The following EPS8 variants were observed in gnomAD, a reference collection of about 807,000 sequenced individuals.
EPS8 encodes the protein EGFR pathway substrate 8, signaling adaptor.
In EPS8, 42 loss-of-function variants were observed where a neutral mutation model predicts 103.8. The ratio of observed to expected loss-of-function variants is 0.40; its 90% CI spans 0.32 to 0.52. The LOEUF is 0.52. Among genes scored for constraint, EPS8 ranks in the 20% least tolerant of loss-of-function variants. The pLI is 0.40. For synonymous variants in EPS8, 344 were observed against 344.6 expected, an observed-to-expected ratio of 1.00 and a Z score of 0.02; for missense variants, 969 against 1,005.1, an observed-to-expected ratio of 0.96 and a Z score of 0.49.
Position 15,787,888 on chromosome 12 carries a change from A to AT in EPS8, c.-22+1272_-22+1273insA, listed in dbSNP as rs1947326431. 1 of 152,202 alleles carries AT rather than the reference A, an allele frequency of 6.6e-6. No individual in the cohort carries two copies. The highest frequency in any genetic ancestry group is 2.4e-5 in the African/African-American group (1 of 41,444). 9.4% of individuals were successfully genotyped at this position (152,202 alleles called of 1,614,324 possible). On this transcript the variant is annotated intron_variant, in intron 1 of 20. Coordinates refer to ENST00000281172, the MANE Select transcript of EPS8 (RefSeq NM_004447.6). This position sits in a 1 kb window ranked among gnomAD's most constrained non-coding sequence, Gnocchi z 4.9. ...TTAAGAACTACAGCAATATGTTTAG[A>AT]AAACTGCGATCCCAAACAAAAAATC...
intron 13 of EPS8, among the ~76,000 whole-genome samples, chr12:15,652,168 A>T (rs984662619): frequency 1.5e-4 from 23 of 152,218 alleles, no homozygotes. Context: ...ATTTGCAGCA[A>T]CATGGATGGA....
rs1305985155 is a variant in EPS8 at position 15,728,836 on chromosome 12, G to A, written c.-21-45864C>T. 6.6e-6 allele frequency among the ~76,000 whole-genome samples: 1 copy of A among 152,136 alleles called. No homozygotes were observed. The highest frequency in any genetic ancestry group is 1.5e-5 in the Non-Finnish European group (1 of 68,022). ...AAAATATTCAAGCCAATAAAAATGG[G>A]CTAAAGGACACTGTTAAGAAAATGA... On this transcript the variant is annotated intron_variant, in intron 1 of 20. Coordinates refer to ENST00000281172, the MANE Select transcript of EPS8 (RefSeq NM_004447.6). The surrounding 1 kb of genome is among the most constrained non-coding windows in gnomAD (Gnocchi z 4.5).
chr12:15,751,784 C>A lies in EPS8; in HGVS notation c.-22+37377G>T, dbSNP rs1048634180. Among the ~76,000 whole-genome samples, 4 of 152,038 alleles carry A rather than the reference C, an allele frequency of 2.6e-5. No homozygotes were observed. The highest frequency in any genetic ancestry group is 9.7e-5 in the African/African-American group (4 of 41,364). ...TCCTTAGTATCCTTCTTACCATACT[C>A]TACTTACACCATAGCTCAGACAACA... On this transcript the variant is annotated intron_variant, in intron 1 of 20. Transcript: ENST00000281172. The surrounding 1 kb of genome is among the most constrained non-coding windows in gnomAD (Gnocchi z 4.3).
intron 14 of EPS8, among the ~76,000 whole-genome samples, chr12:15,648,154 A>T (rs1218543567): frequency 6.6e-6 from 1 of 152,216 alleles, no homozygotes; most frequent in Non-Finnish European, 1.5e-5. Context: ...ACGCACTAGT[A>T]CTGGTCCACG....
chr12:15,710,748 A>C (rs1383652070), intron 1 of EPS8, among the ~76,000 whole-genome samples: 1 of 152,228 alleles, frequency 6.6e-6, no homozygotes, highest in Non-Finnish European at 1.5e-5. Context: ...GAAATTTTAA[A>C]ATACTGGATT....
At chr12:15,621,560 T>G (rs781640468) in intron 20 of EPS8, 130 bp from the exon 21 acceptor site, 31 of 583,258 alleles carry the variant, frequency 5.3e-5, no homozygotes, top group Non-Finnish European at 8.3e-5. Flanking sequence ...CTAACAGCTC[T>G]ACTTTTTAAG....
rs981494050 is a variant in EPS8, at chr12:15,721,167, T to A, written c.-21-38195A>T. 1.3e-5 allele frequency among the ~76,000 whole-genome samples: 2 copies of A among 151,746 alleles called. No individual in the cohort carries two copies. Among genetic ancestry groups the A allele is most frequent in the African/African-American group, 2.4e-5 (1 of 41,288 alleles). On this transcript the variant is annotated intron_variant, in intron 1 of 20. Coordinates refer to ENST00000281172, the MANE Select transcript of EPS8 (RefSeq NM_004447.6). The surrounding 1 kb of genome is among the most constrained non-coding windows in gnomAD (Gnocchi z 4.4). ...AAAATATGTCCACATATACTCAGAG[T>A]GAAAAGAAAGCAAGAAAATACTATA... is the stretch of plus-strand genomic sequence containing the variant.
Position 15,714,957 on chromosome 12 carries a change from A to T in EPS8, c.-21-31985T>A, listed in dbSNP as rs2135966183. Among the ~76,000 whole-genome samples the T allele has an allele frequency of 6.6e-6, 1 of 152,116 alleles. No individual in the cohort carries two copies. The highest frequency in any genetic ancestry group is 2.1e-4 in the South Asian group (1 of 4,808). On this transcript the variant is annotated intron_variant, in intron 1 of 20. Coordinates refer to ENST00000281172, the MANE Select transcript of EPS8 (RefSeq NM_004447.6). The surrounding 1 kb of genome is among the most constrained non-coding windows in gnomAD (Gnocchi z 4.1). ...CAACTCCTTATTCCTGAAAATTCTGACCCATCCCCTGGGCCATTCCTTCCC... is the reference window on the plus strand; with the variant it reads ...CAACTCCTTATTCCTGAAAATTCTGTCCCATCCCCTGGGCCATTCCTTCCC...
chr12:15,685,996 G>A (rs1045209888), intron 1 of EPS8, among the ~76,000 whole-genome samples: 1 of 152,046 alleles, frequency 6.6e-6, no homozygotes, highest in Non-Finnish European at 1.5e-5. Context: ...TCTGCTGAAA[G>A]TATACACTAA....
chr12:15,788,373 C>T (rs975965153), intron 1 of EPS8, among the ~76,000 whole-genome samples: 1 of 152,136 alleles, frequency 6.6e-6, no homozygotes, highest in Non-Finnish European at 1.5e-5. Flanking sequence ...TCCTGCCCCC[C>T]GCGAGATTCC....
chr12:15,710,496 C>A (rs1448489310), intron 1 of EPS8, among the ~76,000 whole-genome samples: 1 of 152,106 alleles, frequency 6.6e-6, no homozygotes, highest in Non-Finnish European at 1.5e-5. Flanking sequence ...TACAGAGAGA[C>A]AATATTTCAC....
chr12:15,661,914 A>C (rs1945611859), intron 9 of EPS8, 112 bp downstream of exon 9: 9 of 794,448 alleles, frequency 1.1e-5, no homozygotes, highest in African/African-American at 1.7e-5. Context: ...AGGTAACAGA[A>C]AACATGGTTT....
chr12:15,631,772 C>A (rs1591803754), intron 17 of EPS8, 108 bp from the exon 18 acceptor site: 1 of 787,210 alleles, frequency 1.3e-6, no homozygotes, highest in East Asian at 2.7e-5. Context: ...AACTTACTTG[C>A]AAACCCATTA....
chr12:15,678,334 G>A (rs1048294777), intron 3 of EPS8, among the ~76,000 whole-genome samples: 1 of 152,264 alleles, frequency 6.6e-6, no homozygotes, highest in Admixed American at 6.5e-5. Flanking sequence ...AGTGTGTTGA[G>A]AGACAGTGGT....
chr12:15,723,269 C>CCACT (rs1171099607), intron 1 of EPS8, among the ~76,000 whole-genome samples: 2 of 152,056 alleles, frequency 1.3e-5, no homozygotes, highest in Non-Finnish European at 2.9e-5. Context: ...CATGATTGTG[C>CCACT]CACTGCACTC....
chr12:15,624,285 A>G lies in EPS8; in HGVS notation c.2167T>C (p.Tyr723His). The G allele has an allele frequency of 1.2e-6, 2 of 1,613,920 alleles. No individual in the cohort carries two copies. Among genetic ancestry groups the G allele is most frequent in the South Asian group, 2.2e-5 (2 of 91,058 alleles). ...RQNVPVINIT[Y>H]DSTPEDVKTW... ...TTCACATCCTCTGGTGTGGAGTCGT[A>G]AGTGATATTGATAACTGGCACGTTC... Residue 723 changes from tyrosine to histidine, a missense_variant, in exon 19 of 21, where the codon TAC becomes CAC. Tyr to His is a moderately conservative substitution (Grantham distance 83). Coordinates refer to ENST00000281172, the MANE Select transcript of EPS8 (RefSeq NM_004447.6).
In EPS8 at chr12:15,690,380, G is replaced by T. The variant is rs1285901129; in HGVS notation, c.-21-7408C>A. 6.6e-6 allele frequency among the ~76,000 whole-genome samples: 1 copy of T among 151,994 alleles called. No individual in the cohort carries two copies. The highest frequency in any genetic ancestry group is 1.5e-5 in the Non-Finnish European group (1 of 67,990). On this transcript the variant is annotated intron_variant, in intron 1 of 20. Coordinates refer to ENST00000281172, the MANE Select transcript of EPS8 (RefSeq NM_004447.6). This position sits in a 1 kb window ranked among gnomAD's most constrained non-coding sequence, Gnocchi z 4.7. ...AGCATAAGAATTCTATTTTTTTAAA[G>T]GTTAACTAAATCTTTCTAGTGTATT...
chr12:15,782,398 G>A (rs1486918320), intron 1 of EPS8, among the ~76,000 whole-genome samples: 1 of 152,120 alleles, frequency 6.6e-6, no homozygotes, highest in Admixed American at 6.5e-5. Flanking sequence ...CTATTCAGAA[G>A]GCTGAATGGG....
chr12:15,662,130 T>C (rs1945616518), intron 8 of EPS8, 31 bp from the exon 9 acceptor site: 1 of 1,593,530 alleles, frequency 6.3e-7, no homozygotes, highest in African/African-American at 1.3e-5. Flanking sequence ...AGTCTTTCAA[T>C]CTTTTACTCC....
Sources: gnomAD v4.1 joint callset for allele counts (sites outside exome capture counted in the v4.1 genomes callset) on GRCh38, gnomAD v4.1.1 for gene constraint, Gnocchi (gnomAD v3.1) non-coding constraint, MANE v1.5 for transcripts, NCBI Gene and HGNC (gene_info 2026-07-23, HGNC 2026-07-21) for gene names.